The following DENND2C variants were observed in gnomAD, a reference collection of about 807,000 sequenced individuals.
DENND2C encodes the protein DENN domain containing 2C.
Under a neutral mutation model 112.4 loss-of-function variants are expected in DENND2C, and 72 were observed. The observed-to-expected ratio is 0.64, with a 90% CI of 0.53 to 0.78. The LOEUF (loss-of-function observed/expected upper bound fraction) is 0.78. Among genes scored for constraint, DENND2C ranks in the 30% least tolerant of loss-of-function variants. The probability of loss-of-function intolerance (pLI) is 0.00; values close to 1 mark genes in which losing one functional copy is unlikely to be tolerated. For synonymous variants in DENND2C, 329 were observed against 381.6 expected, an observed-to-expected ratio of 0.86 and a Z score of 1.61; for missense variants, 992 against 1,113.8, an observed-to-expected ratio of 0.89 and a Z score of 1.56.
At chr1:114,605,687 G>A (rs903553807) in intron 10 of DENND2C, among the ~76,000 whole-genome samples, 4 of 152,212 alleles carry the variant, frequency 2.6e-5, no homozygotes, top group Non-Finnish European at 5.9e-5. Flanking sequence ...AGCTACTCAG[G>A]AGGCTGAGAA....
chr1:114,620,510 C>A (rs556138047), intron 7 of DENND2C, among the ~76,000 whole-genome samples: 47 of 152,198 alleles, frequency 3.1e-4, no homozygotes, highest in Middle Eastern at 3.4e-3. Context: ...TTTGTTAATG[C>A]CATTATAAGA....
At chr1:114,586,128 G>T (rs1375446171) in intron 20 of DENND2C, among the ~76,000 whole-genome samples, 2 of 152,126 alleles carry the variant, frequency 1.3e-5, no homozygotes, top group Non-Finnish European at 2.9e-5. Context: ...TAGCATATAG[G>T]TTATTCATTA....
At position 114,587,766 on chromosome 1, in the gene DENND2C, A is replaced by G. The variant is rs933573451; in HGVS notation, c.2618T>C (p.Met873Thr). ...HFLDLFMETQ[M>T]FAGFIQDREL... ...TCGGTCCTGGATGAATCCTGCAAACATCTGAGTTTCCATGAAGAGATCCAG... is the reference window on the plus strand; with the variant it reads ...TCGGTCCTGGATGAATCCTGCAAACGTCTGAGTTTCCATGAAGAGATCCAG... The change falls in exon 19 of 21, where the codon ATG (methionine) becomes ACG (threonine). Residue 873 changes from methionine (M) to threonine (T), a missense_variant. By Grantham distance (81) the Met-to-Thr change is moderately conservative (BLOSUM62 -1). Transcript: ENST00000393274. The G allele has an allele frequency of 5.0e-6, 8 of 1,614,162 alleles. No individual in the cohort carries two copies. Among genetic ancestry groups the G allele is most frequent in the Non-Finnish European group, 8.5e-7 (1 of 1,180,030 alleles).
chr1:114,668,638 C>T (rs558213171), intron 1 of DENND2C, among the ~76,000 whole-genome samples: 51 of 151,978 alleles, frequency 3.4e-4, no homozygotes, highest in Non-Finnish European at 3.2e-4. Flanking sequence ...TACAAGTATC[C>T]CCAGCAAAAG....
intron 3 of DENND2C, among the ~76,000 whole-genome samples, chr1:114,642,634 T>C (rs537197576): frequency 4.4e-4 from 67 of 152,206 alleles, no homozygotes; most frequent in South Asian, 1.2e-3. Context: ...CTAATTCTTG[T>C]AACAACCCCA....
At chr1:114,653,844 T>C (rs1570811703) in intron 2 of DENND2C, among the ~76,000 whole-genome samples, 2 of 152,140 alleles carry the variant, frequency 1.3e-5, no homozygotes, top group South Asian at 2.1e-4. Context: ...CAAAGATATA[T>C]GTACAAGAGG....
At chr1:114,594,136 G>A (rs1266069952) in intron 18 of DENND2C, among the ~76,000 whole-genome samples, 2 of 152,174 alleles carry the variant, frequency 1.3e-5, no homozygotes, top group East Asian at 3.9e-4. Context: ...AAGAGGATAA[G>A]GAGCACTAGA....
chr1:114,630,888 G>C (rs982164283), intron 3 of DENND2C, among the ~76,000 whole-genome samples: 1 of 152,160 alleles, frequency 6.6e-6, no homozygotes, highest in Non-Finnish European at 1.5e-5. Context: ...CAACCTCATT[G>C]AATGCCCAGG....
chr1:114,587,668 T>C, intron 19 of DENND2C, 48 bp downstream of exon 19: 2 of 1,513,024 alleles, frequency 1.3e-6, no homozygotes, highest in African/African-American at 2.8e-5. Flanking sequence ...GTAAAATCTT[T>C]CAAGGTATTC....
intron 8 of DENND2C, 114 bp from the exon 9 acceptor site, chr1:114,611,231 GC>G: frequency 8.5e-7 from 1 of 1,173,594 alleles, no homozygotes; most frequent in South Asian, 1.4e-5. Flanking sequence ...TAATAAAGCT[GC>G]TGAGCCTTTC....
chr1:114,634,955 G>A (rs1656611809), intron 3 of DENND2C, among the ~76,000 whole-genome samples: 1 of 150,750 alleles, frequency 6.6e-6, no homozygotes, highest in Non-Finnish European at 1.5e-5. Context: ...TTGAACCTGG[G>A]AGGCGGAGGT....
chr1:114,603,142 ATT>A (rs56355932), intron 11 of DENND2C, among the ~76,000 whole-genome samples: 157 of 146,638 alleles, frequency 1.1e-3, no homozygotes, highest in South Asian at 2.2e-3. Flanking sequence ...AAATAAGTCC[ATT>A]TTTTTTTTTT....
intron 2 of DENND2C, among the ~76,000 whole-genome samples, chr1:114,652,627 T>G: frequency 6.6e-6 from 1 of 150,750 alleles, no homozygotes. Flanking sequence ...ATTTGCATCA[T>G]AAAACCTACT....
chr1:114,642,068 T>C (rs1176869667), intron 3 of DENND2C, among the ~76,000 whole-genome samples: 1 of 152,012 alleles, frequency 6.6e-6, no homozygotes. Context: ...TCTCCTACCT[T>C]AGCCTCCCAA....
At position 114,622,040 on chromosome 1, in the gene DENND2C, T is replaced by C. The variant is rs555950114; in HGVS notation, c.1082A>G (p.His361Arg). ...GTTCTTTACTTCCATAGTCTTCCGG[T>C]GAAGGAACTGAGGTTTTGGAGGGAG... Reference protein sequence around the residue: ...PKLPPKPQFLHRKTMEVKNSQ... With the variant: ...PKLPPKPQFLRRKTMEVKNSQ... Residue 361 changes from histidine to arginine, a missense_variant, in exon 7 of 21, where the codon CAC becomes CGC. Physicochemically the swap from His to Arg is conservative, Grantham distance 29. Transcript: ENST00000393274. 1 of 1,546,300 alleles carries C rather than the reference T, an allele frequency of 6.5e-7. No homozygotes were observed. Among genetic ancestry groups the C allele is most frequent in the East Asian group, 2.4e-5 (1 of 40,898 alleles).
chr1:114,645,791 T>C lies in DENND2C; in HGVS notation c.-316-232A>G, dbSNP rs182952852. On this transcript the variant is annotated intron_variant, in intron 2 of 20. Coordinates refer to ENST00000393274, the MANE Select transcript of DENND2C (RefSeq NM_001256404.2). ...ATTTAAAAATTTTTAACAAACTGATTCAAAATCTAAGTGTGTAGATAGGAG... is the reference window on the plus strand; with the variant it reads ...ATTTAAAAATTTTTAACAAACTGATCCAAAATCTAAGTGTGTAGATAGGAG... Among the ~76,000 whole-genome samples the C allele has an allele frequency of 1.5e-3, 224 of 152,314 alleles. 1 individual carries two copies. The highest frequency in any genetic ancestry group is 5.1e-3 in the African/African-American group (210 of 41,574).
At chr1:114,667,872 A>G (rs1048979130) in intron 1 of DENND2C, among the ~76,000 whole-genome samples, 10 of 152,308 alleles carry the variant, frequency 6.6e-5, no homozygotes, top group African/African-American at 2.4e-4. Context: ...TAATGAGATA[A>G]TCATAATAAC....
At chr1:114,651,702 A>G (rs1178376509) in intron 2 of DENND2C, among the ~76,000 whole-genome samples, 3 of 152,200 alleles carry the variant, frequency 2.0e-5, no homozygotes, top group Non-Finnish European at 4.4e-5. Flanking sequence ...ACGCCACTGC[A>G]CTCTAGCCTG....
At chr1:114,603,682 T>C (rs939257616) in intron 11 of DENND2C, among the ~76,000 whole-genome samples, 15 of 151,692 alleles carry the variant, frequency 9.9e-5, no homozygotes, top group Non-Finnish European at 2.1e-4. Context: ...GAGTAGCTAC[T>C]GCACACCACC....
Sources: gnomAD v4.1 joint callset for allele counts (sites outside exome capture counted in the v4.1 genomes callset) on GRCh38, gnomAD v4.1.1 for gene constraint, MANE v1.5 for transcripts, NCBI Gene and HGNC (gene_info 2026-07-23, HGNC 2026-07-21) for gene names.